Variants in ROBO2 observed in about 807,000 individuals in gnomAD.
ROBO2 encodes roundabout homolog 2.
A neutral mutation model predicts 160.8 loss-of-function variants in ROBO2; 53 were observed. The observed-to-expected ratio is 0.33, with a 90% CI of 0.26 to 0.41. ROBO2 has a LOEUF of 0.41. ROBO2 is among the 10% of genes least tolerant of loss of function. The probability of loss-of-function intolerance (pLI) is 1.00; values close to 1 mark genes in which losing one functional copy is unlikely to be tolerated. For synonymous variants in ROBO2, 664 were observed against 611.7 expected (o/e 1.09, Z -1.26); for missense variants, 1,577 against 1,722.4 (o/e 0.92, Z 1.49).
chr3:76,928,487 A>C (rs556050109), intron 2 of ROBO2, among the ~76,000 whole-genome samples: 1 of 151,832 alleles, frequency 6.6e-6, no homozygotes, highest in African/African-American at 2.4e-5. Context: ...TAAAACTAGA[A>C]CACTCAAATA....
At chr3:77,049,652 A>G (rs564503018) in intron 1 of ROBO2, among the ~76,000 whole-genome samples, 2 of 152,362 alleles carry the variant, frequency 1.3e-5, no homozygotes, top group African/African-American at 2.4e-5. Context: ...CATATGCAAC[A>G]TGGAAATTTT....
chr3:77,436,001 T>G (rs2079245102), intron 2 of ROBO2, among the ~76,000 whole-genome samples: 1 of 150,556 alleles, frequency 6.6e-6, no homozygotes, highest in African/African-American at 2.4e-5. Flanking sequence ...AAGAATGACT[T>G]TGTCATTCTT....
At chr3:76,029,867 T>C (rs1161542217) in intron 2 of ROBO2, among the ~76,000 whole-genome samples, 3 of 152,208 alleles carry the variant, frequency 2.0e-5, no homozygotes, top group Admixed American at 2.0e-4. Context: ...TTATAATCCT[T>C]TGGGTACATA....
chr3:76,642,599 G>A (rs539505602), intron 2 of ROBO2, among the ~76,000 whole-genome samples: 21 of 151,964 alleles, frequency 1.4e-4, no homozygotes, highest in African/African-American at 3.1e-4. Flanking sequence ...TGATCTGCCC[G>A]CCTCGGCCTC....
At chr3:76,358,559 G>A (rs1211171142) in intron 2 of ROBO2, among the ~76,000 whole-genome samples, 1 of 151,858 alleles carries the variant, frequency 6.6e-6, no homozygotes, top group Non-Finnish European at 1.5e-5. Flanking sequence ...AGCATGTTAG[G>A]ATATTCACTA....
intron 2 of ROBO2, among the ~76,000 whole-genome samples, chr3:75,965,775 GA>G (rs1949088071): frequency 6.6e-6 from 1 of 151,484 alleles, no homozygotes; most frequent in Non-Finnish European, 1.5e-5. Flanking sequence ...ATAGATTTTA[GA>G]ATTAACTGGC....
At chr3:76,440,957 G>A (rs990136716) in intron 2 of ROBO2, among the ~76,000 whole-genome samples, 3 of 152,044 alleles carry the variant, frequency 2.0e-5, no homozygotes, top group Non-Finnish European at 4.4e-5. Flanking sequence ...CTAACTCCCA[G>A]CACATACAGC....
chr3:77,176,721 A>T (rs1191598815), intron 2 of ROBO2, among the ~76,000 whole-genome samples: 1 of 151,948 alleles, frequency 6.6e-6, no homozygotes, highest in Non-Finnish European at 1.5e-5. Context: ...TACATTTTAC[A>T]TTTTTTAGGA....
At chr3:77,382,840 T>A (rs2073685401) in intron 2 of ROBO2, among the ~76,000 whole-genome samples, 2 of 152,232 alleles carry the variant, frequency 1.3e-5, no homozygotes, top group Non-Finnish European at 2.9e-5. Flanking sequence ...TTAGGTTGCT[T>A]CCATATCTTT....
At chr3:77,501,279 G>C (rs556271844) in intron 5 of ROBO2, among the ~76,000 whole-genome samples, 245 of 151,924 alleles carry the variant, frequency 1.6e-3, no homozygotes, top group South Asian at 5.4e-3. Flanking sequence ...CCTGTACCTA[G>C]GTTCTTACAT....
chr3:76,125,456 C>T lies in ROBO2; in HGVS notation c.109+187854C>T, dbSNP rs774138431. ...CACAGCGATTGGACCAATTTACATT[C>T]CCACCAGCAGTGTATAAGCATTCCC... On this transcript the variant is annotated intron_variant, in intron 2 of 26. Coordinates refer to the ROBO2 transcript ENST00000487694. 9.8e-4 allele frequency among the ~76,000 whole-genome samples: 149 copies of T among 152,282 alleles called. 1 individual carries two copies. Among genetic ancestry groups the T allele is most frequent in the Non-Finnish European group, 2.0e-3 (134 of 68,028 alleles).
rs1316610844 is a variant in ROBO2 at position 76,037,379 on chromosome 3, TC to T, written c.109+99780del. On this transcript the variant is annotated intron_variant, in intron 2 of 26. Transcript: ENST00000487694. ...TTCAAGCGATTCTGCTGCCTCAGCC[TC>T]CCAAGCAGCTGGGATTACAGGTGAC... 7.3e-5 allele frequency among the ~76,000 whole-genome samples: 11 copies of T among 151,170 alleles called. No homozygotes were observed. The East Asian group carries it at 2.2e-3, about 30-fold the overall frequency.
chr3:76,526,084 CAT>C (rs1238448414), intron 2 of ROBO2, among the ~76,000 whole-genome samples: 1 of 151,928 alleles, frequency 6.6e-6, no homozygotes, highest in Admixed American at 6.6e-5. Flanking sequence ...TGAGTTCCCA[CAT>C]AGACTTATAA....
At chr3:76,854,018 TTC>T (rs573633101) in intron 2 of ROBO2, among the ~76,000 whole-genome samples, 11,939 of 116,502 alleles carry the variant, frequency 0.1, 459 homozygotes, top group Admixed American at 0.11. Flanking sequence ...AGCATAGACT[TTC>T]TCTCTCTCTC....
intron 2 of ROBO2, among the ~76,000 whole-genome samples, chr3:77,367,839 G>T (rs2071146834): frequency 6.6e-6 from 1 of 152,062 alleles, no homozygotes; most frequent in Non-Finnish European, 1.5e-5. Context: ...ATCAGTTGTG[G>T]TTCTTTATGT....
chr3:76,630,831 T>C (rs1251097606), intron 2 of ROBO2, among the ~76,000 whole-genome samples: 5 of 152,204 alleles, frequency 3.3e-5, no homozygotes, highest in African/African-American at 1.2e-4. Flanking sequence ...TATTATGTAT[T>C]TCTTAAACCG....
intron 1 of ROBO2, among the ~76,000 whole-genome samples, chr3:75,919,442 A>G (rs181823768): frequency 6.6e-6 from 1 of 152,116 alleles, no homozygotes; most frequent in Admixed American, 6.5e-5. Flanking sequence ...GCTTGCCAGT[A>G]TTTTATTCAG....
intron 17 of ROBO2, among the ~76,000 whole-genome samples, chr3:77,593,178 T>C (rs2094217950): frequency 6.6e-6 from 1 of 151,226 alleles, no homozygotes; most frequent in Non-Finnish European, 1.5e-5. Context: ...CTTAACTCTC[T>C]TTTAACAGAC....
chr3:76,526,797 T>C (rs1393546113), intron 2 of ROBO2, among the ~76,000 whole-genome samples: 2 of 152,070 alleles, frequency 1.3e-5, no homozygotes, highest in Admixed American at 6.6e-5. Flanking sequence ...AAATTCTTTA[T>C]GACACTGAAT....
Sources: gnomAD v4.1 joint callset for allele counts (sites outside exome capture counted in the v4.1 genomes callset) on GRCh38, gnomAD v4.1.1 for gene constraint, MANE v1.5 for transcripts, NCBI Gene and HGNC (gene_info 2026-07-23, HGNC 2026-07-21) for gene names.